The following BFSP2 variants were observed in gnomAD, a reference collection of about 807,000 sequenced individuals.
BFSP2 encodes phakinin.
In BFSP2, 38 loss-of-function variants were observed where a neutral mutation model predicts 44.9. The ratio of observed to expected loss-of-function variants is 0.85; its 90% CI spans 0.65 to 1.11. BFSP2 has a LOEUF of 1.11. Among genes scored for constraint, BFSP2 ranks in the 50% least tolerant of loss-of-function variants. BFSP2 has a pLI of 0.00. For synonymous variants in BFSP2, 197 were observed against 209.9 expected (o/e 0.94, Z 0.53); for missense variants, 525 against 533.0 (o/e 0.99, Z 0.15).
chr3:133,435,595 C>A (rs965907773), intron 1 of BFSP2, among the ~76,000 whole-genome samples: 11 of 152,130 alleles, frequency 7.2e-5, no homozygotes, highest in Admixed American at 2.6e-4. Context: ...GTGTTGGCAC[C>A]CATTAAGTGG....
At chr3:133,474,646 T>C (rs559376829) in intron 6 of BFSP2, among the ~76,000 whole-genome samples, 3 of 152,326 alleles carry the variant, frequency 2.0e-5, no homozygotes, top group African/African-American at 7.2e-5. Flanking sequence ...GCCGAGTTAC[T>C]TCTTAAGAAT....
intron 4 of BFSP2, among the ~76,000 whole-genome samples, chr3:133,454,336 T>A (rs368524347): frequency 1.3e-5 from 2 of 152,118 alleles, no homozygotes; most frequent in African/African-American, 2.4e-5. Flanking sequence ...ATCTCTTTTT[T>A]AAAAAATCCT....
chr3:133,474,333 G>A (rs1349852989), intron 6 of BFSP2, among the ~76,000 whole-genome samples: 3 of 152,190 alleles, frequency 2.0e-5, no homozygotes, highest in Non-Finnish European at 4.4e-5. Context: ...AAAGATTTGC[G>A]CATGATCACA....
intron 1 of BFSP2, among the ~76,000 whole-genome samples, chr3:133,438,083 A>G (rs1293042816): frequency 1.3e-5 from 2 of 152,238 alleles, no homozygotes; most frequent in East Asian, 3.8e-4. Context: ...ATAGAGTTCT[A>G]TTATTTAAAG....
intron 1 of BFSP2, among the ~76,000 whole-genome samples, chr3:133,401,641 T>C (rs955174575): frequency 6.6e-6 from 1 of 152,198 alleles, no homozygotes; most frequent in African/African-American, 2.4e-5. Context: ...TGTGGATAGC[T>C]GGCTTCACCT....
intron 3 of BFSP2, chr3:133,449,401 CTTACT>C (rs1179124770): frequency 6.8e-6 from 1 of 148,000 alleles, no homozygotes; most frequent in Non-Finnish European, 1.5e-5. Flanking sequence ...GCTGTTGTTG[CTTACT>C]TTGTTTTTGT....
chr3:133,467,841 C>G (rs114978396), intron 5 of BFSP2, among the ~76,000 whole-genome samples: 2 of 151,932 alleles, frequency 1.3e-5, no homozygotes, highest in Non-Finnish European at 2.9e-5. Context: ...GTCAATGAGG[C>G]GCATGATAGG....
chr3:133,439,545 T>A (rs1189370956), intron 1 of BFSP2, among the ~76,000 whole-genome samples: 1 of 152,296 alleles, frequency 6.6e-6, no homozygotes, highest in East Asian at 1.9e-4. Context: ...TGGGGAGTAC[T>A]GAGGATACCT....
In BFSP2 at chr3:133,400,157, C is replaced by T. The variant is rs762172600; in HGVS notation, c.74C>T (p.Ala25Val). ...SSSMPLQRRR[A>V]SFRGPRSSSS... ...AGCATGCCCCTCCAGAGGCGCAGGG[C>T]GTCCTTCAGGGGGCCACGGTCATCA... The change falls in exon 1 of 7, where the codon GCG (alanine) becomes GTG (valine). Residue 25 changes from alanine to valine, a missense_variant. By Grantham distance (64) the Ala-to-Val change is moderately conservative. Coordinates refer to ENST00000302334, the MANE Select transcript of BFSP2 (RefSeq NM_003571.4). The surrounding 1 kb of genome is among the most constrained non-coding windows in gnomAD (Gnocchi z 4.0). 6.8e-6 allele frequency: 11 copies of T among 1,614,018 alleles called. No homozygotes were observed. Among genetic ancestry groups the T allele is most frequent in the African/African-American group, 2.7e-5 (2 of 74,936 alleles).
chr3:133,470,373 C>T (rs1324520613), intron 5 of BFSP2, among the ~76,000 whole-genome samples: 1 of 152,202 alleles, frequency 6.6e-6, no homozygotes, highest in East Asian at 1.9e-4. Flanking sequence ...TGTAAAAAGT[C>T]TCCTCCTGGA....
At chr3:133,408,227 G>A (rs2073420364) in intron 1 of BFSP2, among the ~76,000 whole-genome samples, 1 of 152,112 alleles carries the variant, frequency 6.6e-6, no homozygotes, top group Admixed American at 6.6e-5. Context: ...TGAACAGACA[G>A]TTGACACAAA....
intron 4 of BFSP2, among the ~76,000 whole-genome samples, chr3:133,460,975 C>T (rs2074056937): frequency 6.6e-6 from 1 of 152,236 alleles, no homozygotes; most frequent in South Asian, 2.1e-4. Context: ...CATCTGGATA[C>T]ATGATCTGCT....
chr3:133,421,341 T>C (rs1434848632), intron 1 of BFSP2, among the ~76,000 whole-genome samples: 3 of 152,202 alleles, frequency 2.0e-5, no homozygotes, highest in Admixed American at 6.5e-5. Flanking sequence ...GAAACCAAGA[T>C]GTTAGCAGGG....
chr3:133,466,251 T>A (rs887896794), intron 4 of BFSP2, among the ~76,000 whole-genome samples: 11 of 152,114 alleles, frequency 7.2e-5, no homozygotes, highest in Non-Finnish European at 1.3e-4. Context: ...GAGAACTGGA[T>A]AATTAAGACA....
intron 1 of BFSP2, among the ~76,000 whole-genome samples, chr3:133,438,501 C>A (rs891854219): frequency 1.3e-5 from 2 of 152,132 alleles, no homozygotes; most frequent in Non-Finnish European, 2.9e-5. Flanking sequence ...CACCACTGCA[C>A]TCCAGCCTGG....
chr3:133,439,838 A>G lies in BFSP2; in HGVS notation c.490-7479A>G, dbSNP rs575445288. ...TCCGGAGCACAGCTTCAAATAAAACATGAGTTCAAAACATGAGTTCCAATC... is the reference window on the plus strand; with the variant it reads ...TCCGGAGCACAGCTTCAAATAAAACGTGAGTTCAAAACATGAGTTCCAATC... On this transcript the variant is annotated intron_variant, in intron 1 of 6. Transcript: ENST00000302334. Among the ~76,000 whole-genome samples the G allele has an allele frequency of 2.2e-3, 333 of 152,300 alleles. 2 individuals carry two copies. Among genetic ancestry groups the G allele is most frequent in the African/African-American group, 7.4e-3 (306 of 41,552 alleles).
intron 1 of BFSP2, among the ~76,000 whole-genome samples, chr3:133,425,665 T>C (rs1386853485): frequency 1.3e-5 from 2 of 151,854 alleles, no homozygotes; most frequent in East Asian, 3.9e-4. Flanking sequence ...CTAGCAAGGA[T>C]GCTGAAGTCA....
chr3:133,459,741 C>T lies in BFSP2; in HGVS notation c.892-7087C>T, dbSNP rs77424388. On this transcript the variant is annotated intron_variant, in intron 4 of 6. Coordinates refer to ENST00000302334, the MANE Select transcript of BFSP2 (RefSeq NM_003571.4). ...AATCCTACATCTGGCTGAGGAAGGT[C>T]GGGAGTGTGTGCTGCCTGTCAAAAG... Among the ~76,000 whole-genome samples, 558 of 152,274 alleles carry T rather than the reference C, an allele frequency of 3.7e-3. 1 individual carries two copies. Among genetic ancestry groups the T allele is most frequent in the Non-Finnish European group, 6.7e-3 (458 of 68,032 alleles).
At chr3:133,459,480 G>A (rs1221209361) in intron 4 of BFSP2, among the ~76,000 whole-genome samples, 1 of 152,216 alleles carries the variant, frequency 6.6e-6, no homozygotes, top group Non-Finnish European at 1.5e-5. Context: ...TTACTCCTCT[G>A]TGTTTTGTTT....
Sources: allele counts gnomAD v4.1 joint callset (sites outside exome capture counted in the v4.1 genomes callset), GRCh38; gene constraint gnomAD v4.1.1; non-coding constraint Gnocchi (gnomAD v3.1); transcripts MANE v1.5; gene names NCBI Gene and HGNC (gene_info 2026-07-23, HGNC 2026-07-21).